SLC24A4: variants seen among roughly 807,000 people sequenced by gnomAD.
SLC24A4 encodes sodium/potassium/calcium exchanger 4.
In SLC24A4, 53 loss-of-function variants were observed where a neutral mutation model predicts 79.0. The observed-to-expected ratio is 0.67, with a 90% CI of 0.54 to 0.84. The LOEUF (loss-of-function observed/expected upper bound fraction) is 0.84, where lower values mean the gene tolerates loss of function less well. Ranked by LOEUF, SLC24A4 falls within the 40% of genes least tolerant of loss-of-function variation. The pLI is 0.00. For synonymous variants in SLC24A4, 323 were observed against 323.8 expected, an observed-to-expected ratio of 1.00 and a Z score of 0.03; for missense variants, 731 against 822.0, an observed-to-expected ratio of 0.89 and a Z score of 1.35.
At chr14:92,474,843 G>GTGTGTGTGTGTATA (rs779007741) in intron 12 of SLC24A4, among the ~76,000 whole-genome samples, 1 of 23,884 alleles carries the variant, frequency 4.2e-5, no homozygotes, top group Non-Finnish European at 1.2e-4. Context: ...GTGTGTGTGT[G>GTGTGTGTGTGTATA]TATATATATA....
rs1300659647 is a variant in SLC24A4, at chr14:92,379,062, TA to T, written c.241+53088del. ...GGACAACAGTGGGAGACCCTGCCTC[TA>T]AAATCAATAAATAGCTAGCTAGCTA... On this transcript the variant is annotated intron_variant, in intron 2 of 16. Coordinates refer to ENST00000532405, the MANE Select transcript of SLC24A4 (RefSeq NM_153646.4). 3.3e-5 allele frequency among the ~76,000 whole-genome samples: 5 copies of T among 152,096 alleles called. No individual in the cohort carries two copies. The East Asian group carries it at 9.7e-4, about 29-fold the overall frequency.
intron 2 of SLC24A4, among the ~76,000 whole-genome samples, chr14:92,406,972 G>T (rs1890423411): frequency 1.3e-5 from 2 of 152,112 alleles, no homozygotes; most frequent in African/African-American, 4.8e-5. Flanking sequence ...TTTATGCTCT[G>T]CTTCCCTTTT....
intron 12 of SLC24A4, among the ~76,000 whole-genome samples, chr14:92,461,529 C>T (rs1893808969): frequency 6.6e-6 from 1 of 152,150 alleles, no homozygotes; most frequent in Non-Finnish European, 1.5e-5. Flanking sequence ...CCTTTTTGTT[C>T]ACGTGGCCTT....
intron 2 of SLC24A4, among the ~76,000 whole-genome samples, chr14:92,362,854 G>A (rs1471598072): frequency 2.6e-5 from 4 of 152,182 alleles, no homozygotes; most frequent in South Asian, 2.1e-4. Flanking sequence ...CGGCAGCTCC[G>A]GGCGGGATCA....
At chr14:92,437,875 G>A (rs562741422) in intron 3 of SLC24A4, among the ~76,000 whole-genome samples, 1 of 152,260 alleles carries the variant, frequency 6.6e-6, no homozygotes, top group South Asian at 2.1e-4. Context: ...GAGGGCAGAC[G>A]CTGGTGCTAG....
intron 12 of SLC24A4, among the ~76,000 whole-genome samples, chr14:92,474,843 G>GTGTGTGTGTGTGTATATA (rs779007741): frequency 6.3e-4 from 15 of 23,880 alleles, no homozygotes; most frequent in African/African-American, 1.3e-3. Context: ...GTGTGTGTGT[G>GTGTGTGTGTGTGTATATA]TATATATATA....
rs147149892 is a variant in SLC24A4, at chr14:92,465,663, G to A, written c.1255+9055G>A. On this transcript the variant is annotated intron_variant, in intron 12 of 16. Coordinates refer to ENST00000532405, the MANE Select transcript of SLC24A4 (RefSeq NM_153646.4). ...CGAGGGCAGCTGCTTCAGCGAGGAA[G>A]CATACACAGGATCCCTGTGTCACTC... Among the ~76,000 whole-genome samples, 340 of 152,270 alleles carry A rather than the reference G, an allele frequency of 2.2e-3. 1 individual carries two copies. In the Middle Eastern group the frequency reaches 0.027, roughly 12 times the overall value.
intron 2 of SLC24A4, among the ~76,000 whole-genome samples, chr14:92,432,531 A>G (rs1334021125): frequency 1.3e-5 from 2 of 152,160 alleles, no homozygotes; most frequent in African/African-American, 4.8e-5. Flanking sequence ...TCTTGGCCTC[A>G]ACAATGCCGA....
At chr14:92,474,783 A>AAG (rs1894641914) in intron 12 of SLC24A4, among the ~76,000 whole-genome samples, 1 of 90,078 alleles carries the variant, frequency 1.1e-5, no homozygotes, top group Non-Finnish European at 2.4e-5. Context: ...GTGTATATAT[A>AAG]TGTGTGTGTG....
intron 2 of SLC24A4, among the ~76,000 whole-genome samples, chr14:92,349,152 A>G (rs1454086534): frequency 1.3e-5 from 2 of 150,896 alleles, no homozygotes; most frequent in East Asian, 3.9e-4. Context: ...CAATAATAAA[A>G]GTGACTGGAA....
At chr14:92,439,305 G>C (rs745675481) in intron 3 of SLC24A4, 30 bp from the exon 4 acceptor site, 14 of 1,601,146 alleles carry the variant, frequency 8.7e-6, no homozygotes, top group Middle Eastern at 1.7e-4. Context: ...GACCCTCACC[G>C]ACCCTGCCTG....
chr14:92,338,037 C>T, intron 2 of SLC24A4, among the ~76,000 whole-genome samples: 1 of 152,118 alleles, frequency 6.6e-6, no homozygotes, highest in East Asian at 1.9e-4. Flanking sequence ...GTTATTAATT[C>T]TTTGAGGACA....
At chr14:92,327,160 A>G (rs1885192347) in intron 2 of SLC24A4, among the ~76,000 whole-genome samples, 1 of 152,188 alleles carries the variant, frequency 6.6e-6, no homozygotes, top group Admixed American at 6.5e-5. Context: ...CCCTGTGCTT[A>G]GGTGGGGGTG....
At position 92,482,818 on chromosome 14, in the gene SLC24A4, C is replaced by G; in HGVS notation, c.1394C>G (p.Ala465Gly). Residue 465 changes from alanine to glycine, a missense_variant, in exon 13 of 17, where the codon GCT (alanine) becomes GGT (glycine). By Grantham distance (60) the Ala-to-Gly change is moderately conservative. Coordinates refer to ENST00000532405, the MANE Select transcript of SLC24A4 (RefSeq NM_153646.4). ...VTFITATLWI[A>G]VFSYIMVWLV... ...TTCATCACCGCCACGCTGTGGATCG[C>G]TGTGTTCTCCTACATCATGGTGTGG... 6.2e-7 allele frequency: 1 copy of G among 1,613,398 alleles called. No individual in the cohort carries two copies.
chr14:92,468,871 A>G (rs1365416148), intron 12 of SLC24A4, among the ~76,000 whole-genome samples: 1 of 150,818 alleles, frequency 6.6e-6, no homozygotes, highest in Non-Finnish European at 1.5e-5. Context: ...GAATGGGAGA[A>G]AACATTTGCA....
chr14:92,489,075 C>T (rs934339561), intron 14 of SLC24A4, among the ~76,000 whole-genome samples: 13 of 152,104 alleles, frequency 8.5e-5, no homozygotes, highest in Non-Finnish European at 1.5e-4. Flanking sequence ...AGGCCAGGGG[C>T]GGGGGTTGCG....
chr14:92,440,719 G>A (rs1400167593), intron 4 of SLC24A4, among the ~76,000 whole-genome samples: 1 of 151,964 alleles, frequency 6.6e-6, no homozygotes, highest in Non-Finnish European at 1.5e-5. Context: ...AGGGCTTAGT[G>A]AGAGACATTA....
chr14:92,335,200 C>T (rs1885713827), intron 2 of SLC24A4, among the ~76,000 whole-genome samples: 2 of 152,312 alleles, frequency 1.3e-5, no homozygotes, highest in Middle Eastern at 3.4e-3. Flanking sequence ...CCTCCATCCT[C>T]ACAGTTTCCC....
chr14:92,451,670 A>T (rs1320971600), intron 10 of SLC24A4: 1 of 152,250 alleles, frequency 6.6e-6, no homozygotes, highest in Non-Finnish European at 1.5e-5. Flanking sequence ...GTGGGCAGAA[A>T]GCCTTTTCCC....
Sources: allele counts gnomAD v4.1 joint callset (sites outside exome capture counted in the v4.1 genomes callset), GRCh38; gene constraint gnomAD v4.1.1; transcripts MANE v1.5; gene names NCBI Gene and HGNC (gene_info 2026-07-23, HGNC 2026-07-21).